Variants in GSE1 observed in about 807,000 individuals in gnomAD.
GSE1 encodes the protein genetic suppressor element 1.
GSE1 carries 32 observed loss-of-function variants against 112.6 expected under a neutral mutation model. The ratio of observed to expected loss-of-function variants is 0.28; its 90% confidence interval spans 0.21 to 0.38. The LOEUF is 0.38. GSE1 is among the 10% of genes least tolerant of loss of function. GSE1 has a pLI of 1.00. For missense variants in GSE1, 2,348 were observed against 1,699.2 expected (o/e 1.38, Z -6.71); for synonymous variants, 1,115 against 735.6 (o/e 1.52, Z -8.35).
intron 1 of GSE1, among the ~76,000 whole-genome samples, chr16:85,274,689 C>A (rs915850807): frequency 1.3e-5 from 2 of 152,220 alleles, no homozygotes; most frequent in Admixed American, 6.5e-5. Flanking sequence ...AGGTGCCTGT[C>A]CCCCTCTCGC....
At chr16:85,176,678 C>A (rs1332749951) in intron 1 of GSE1, among the ~76,000 whole-genome samples, 22 of 152,266 alleles carry the variant, frequency 1.4e-4, no homozygotes. Context: ...CTAACCATAC[C>A]CCAGCCTCTC....
chr16:85,475,208 C>T (rs1414948079), intron 2 of GSE1, among the ~76,000 whole-genome samples: 4 of 152,226 alleles, frequency 2.6e-5, no homozygotes, highest in African/African-American at 9.6e-5. Flanking sequence ...CTGCCTCCAC[C>T]AGCCCAGACC....
At chr16:85,208,469 G>A (rs1597802300) in intron 1 of GSE1, among the ~76,000 whole-genome samples, 1 of 152,152 alleles carries the variant, frequency 6.6e-6, no homozygotes, top group Admixed American at 6.5e-5. Context: ...TTTGCCTGAC[G>A]CTGGCCTCCT....
chr16:85,638,530 C>G (rs1339994361), intron 2 of GSE1, among the ~76,000 whole-genome samples: 1 of 152,188 alleles, frequency 6.6e-6, no homozygotes, highest in South Asian at 2.1e-4. Context: ...TGAGCTTCCA[C>G]TTTTTCTTGG....
intron 1 of GSE1, chr16:85,283,616 C>T (rs1427562317): frequency 2.0e-5 from 3 of 152,318 alleles, no homozygotes; most frequent in African/African-American, 7.2e-5. Flanking sequence ...CTGTGGACCC[C>T]AGCAGGCGGG....
intron 1 of GSE1, among the ~76,000 whole-genome samples, chr16:85,597,148 T>C (rs1489958146): frequency 6.6e-6 from 1 of 151,604 alleles, no homozygotes; most frequent in African/African-American, 2.4e-5. Context: ...CCGGCTAATT[T>C]TTGCATTTGC....
chr16:85,281,987 G>C (rs535199933), intron 1 of GSE1, among the ~76,000 whole-genome samples: 1 of 152,038 alleles, frequency 6.6e-6, no homozygotes, highest in African/African-American at 2.4e-5. Context: ...ATGGTGCCGG[G>C]TGCCACAGCC....
In GSE1 at chr16:85,668,190, G is replaced by C; in HGVS notation, c.3181G>C (p.Val1061Leu). The C allele has an allele frequency of 6.2e-7, 1 of 1,609,222 alleles. No individual in the cohort carries two copies. The highest frequency in any genetic ancestry group is 8.5e-7 in the Non-Finnish European group (1 of 1,176,018). ...GCAGAACCACAAGGTTGACACGTCC[G>C]TCCACTACAACATTCCTGAGCTGCA... ...AEQNHKVDTSVHYNIPELQSS... is the reference protein window; with the variant it reads ...AEQNHKVDTSLHYNIPELQSS... The change falls in exon 14 of 16, where the codon GTC becomes CTC. Residue 1061 changes from valine (V) to leucine (L), a missense_variant. Physicochemically the swap from Val to Leu is conservative, Grantham distance 32 (BLOSUM62 1). Coordinates refer to ENST00000253458, the MANE Select transcript of GSE1 (RefSeq NM_014615.5).
chr16:85,254,525 G>A (rs544577939), intron 1 of GSE1, among the ~76,000 whole-genome samples: 10 of 152,346 alleles, frequency 6.6e-5, no homozygotes, highest in African/African-American at 1.7e-4. Context: ...GGCAATGAGC[G>A]TCATCAATTG....
chr16:85,191,322 TATATA>T (rs1163096757), intron 1 of GSE1, among the ~76,000 whole-genome samples: 1 of 152,196 alleles, frequency 6.6e-6, no homozygotes, highest in Non-Finnish European at 1.5e-5. Flanking sequence ...GCAGCTTTAT[TATATA>T]ATTTGCCCTT....
intron 1 of GSE1, among the ~76,000 whole-genome samples, chr16:85,347,336 C>A (rs1357745954): frequency 6.6e-6 from 1 of 152,172 alleles, no homozygotes; most frequent in Non-Finnish European, 1.5e-5. Flanking sequence ...GTCTCAGGGC[C>A]TCCACATCTT....
At chr16:85,494,930 T>A (rs552670154) in intron 2 of GSE1, among the ~76,000 whole-genome samples, 1 of 147,482 alleles carries the variant, frequency 6.8e-6, no homozygotes, top group East Asian at 2.0e-4. Context: ...GGTGCAGGCT[T>A]TCTGCATCGG....
chr16:85,397,677 G>A (rs975714651), intron 2 of GSE1, among the ~76,000 whole-genome samples: 1 of 152,208 alleles, frequency 6.6e-6, no homozygotes, highest in African/African-American at 2.4e-5. Flanking sequence ...CTGCCATCTG[G>A]CCCCCTCTGG....
At chr16:85,238,179 C>G (rs1761198315) in intron 1 of GSE1, among the ~76,000 whole-genome samples, 1 of 152,156 alleles carries the variant, frequency 6.6e-6, no homozygotes, top group Admixed American at 6.5e-5. Context: ...AGGTGGCGTC[C>G]TGCTATTGAT....
Position 85,668,291 on chromosome 16 carries a change from C to T in GSE1, c.3282C>T (p.Thr1094=). ...CCACTGCAAGGAAGGGCCCCCCAACCCAGGAGTTGGACCGGGACTCGGAGG... is the reference window on the plus strand; with the variant it reads ...CCACTGCAAGGAAGGGCCCCCCAACTCAGGAGTTGGACCGGGACTCGGAGG... ...EPPTARKGPP[T]QELDRDSEEE... Residue 1094 remains threonine (T), a synonymous_variant, in exon 14 of 16, where the codon ACC becomes ACT. Transcript: ENST00000253458. 6.2e-7 allele frequency: 1 copy of T among 1,611,932 alleles called. No homozygotes were observed. The highest frequency in any genetic ancestry group is 8.5e-7 in the Non-Finnish European group (1 of 1,178,114).
intron 2 of GSE1, among the ~76,000 whole-genome samples, chr16:85,409,244 C>A (rs1318555323): frequency 2.2e-5 from 1 of 44,922 alleles, no homozygotes; most frequent in Non-Finnish European, 4.3e-5. Flanking sequence ...CTCTCAGGCC[C>A]CCCGGATAAT....
rs1262477434 is a variant in GSE1, at chr16:85,657,284, G to A, written c.1320G>A (p.Leu440=). 1 of 1,551,852 alleles carries A rather than the reference G, an allele frequency of 6.4e-7. No individual in the cohort carries two copies. Among genetic ancestry groups the A allele is most frequent in the African/African-American group, 1.4e-5 (1 of 72,790 alleles). The change falls in exon 8 of 16, where the codon CTG becomes CTA. Residue 440 remains leucine, a synonymous_variant. Transcript: ENST00000253458. ...CCGTGTTTCCCCCCACAGAGAAGCT[G>A]AAGGATGCCGGCCTGCAGGCGCCCA... ...EQLTPTRAEK[L]KDAGLQAPKP... is the part of the protein sequence containing the mutation.
chr16:85,180,772 G>A (rs1351744390), intron 1 of GSE1, among the ~76,000 whole-genome samples: 2 of 152,206 alleles, frequency 1.3e-5, no homozygotes, highest in African/African-American at 4.8e-5. Context: ...GGCAGGCTGG[G>A]AGGGAGATGA....
At chr16:85,339,585 C>A (rs1358513108) in intron 1 of GSE1, among the ~76,000 whole-genome samples, 4 of 137,498 alleles carry the variant, frequency 2.9e-5, no homozygotes, top group African/African-American at 1.1e-4. Flanking sequence ...AATGTTCTCC[C>A]ATTATTAGAT....
Sources: allele counts gnomAD v4.1 joint callset (sites outside exome capture counted in the v4.1 genomes callset), GRCh38; gene constraint gnomAD v4.1.1; transcripts MANE v1.5; gene names NCBI Gene and HGNC (gene_info 2026-07-23, HGNC 2026-07-21).